The following RBMS3 variants were observed in gnomAD, a reference collection of about 807,000 sequenced individuals.
RBMS3 encodes RNA-binding motif, single-stranded-interacting protein 3.
A neutral mutation model predicts 66.8 loss-of-function variants in RBMS3; 27 were observed. The ratio of observed to expected loss-of-function variants is 0.40; its 90% CI spans 0.30 to 0.56. The LOEUF (loss-of-function observed/expected upper bound fraction) is 0.56. Among genes scored for constraint, RBMS3 ranks in the 20% least tolerant of loss-of-function variants. RBMS3 has a pLI of 0.40. For synonymous variants in RBMS3, 188 were observed against 183.0 expected (o/e 1.03, Z -0.22); for missense variants, 513 against 549.5 (o/e 0.93, Z 0.66).
intron 1 of RBMS3, among the ~76,000 whole-genome samples, chr3:29,389,997 G>A (rs929607807): frequency 6.6e-6 from 1 of 152,128 alleles, no homozygotes; most frequent in African/African-American, 2.4e-5. Context: ...ATATTTGTTT[G>A]TGATGGCTTT....
chr3:29,352,379 T>A (rs2036969321), intron 1 of RBMS3, among the ~76,000 whole-genome samples: 1 of 152,090 alleles, frequency 6.6e-6, no homozygotes, highest in African/African-American at 2.4e-5. Context: ...AAATATTTTA[T>A]GGTATGTGGT....
At chr3:29,551,181 C>G (rs1474944020) in intron 3 of RBMS3, among the ~76,000 whole-genome samples, 2 of 152,100 alleles carry the variant, frequency 1.3e-5, no homozygotes, top group African/African-American at 4.8e-5. Context: ...AAAGGCAGAA[C>G]ATAGAAATGA....
At chr3:29,590,213 T>C (rs1182953916) in intron 4 of RBMS3, among the ~76,000 whole-genome samples, 2 of 152,204 alleles carry the variant, frequency 1.3e-5, no homozygotes, top group East Asian at 3.9e-4. Flanking sequence ...ATCCTGGCTC[T>C]GGTACCACCT....
rs1344712067 is a variant in RBMS3 at position 29,936,100 on chromosome 3, A to G, written c.954A>G (p.Thr318=). 6.2e-7 allele frequency: 1 copy of G among 1,612,964 alleles called. No individual in the cohort carries two copies. The highest frequency in any genetic ancestry group is 1.3e-5 in the African/African-American group (1 of 74,892). The change falls in exon 11 of 15, where the codon ACA becomes ACG. Residue 318 remains threonine (T), a synonymous_variant. Coordinates refer to ENST00000383767, the MANE Select transcript of RBMS3 (RefSeq NM_001003793.3). ...YVMQPTGAVI[T]PTMDHPMSMQ... is the part of the protein sequence containing the mutation. ...TATGCTTGTAGGGTGCTGTGATTAC[A>G]CCAACCATGGACCATCCCATGTCAA...
intron 4 of RBMS3, among the ~76,000 whole-genome samples, chr3:29,671,503 C>T (rs548564918): frequency 3.3e-5 from 5 of 152,248 alleles, no homozygotes; most frequent in South Asian, 2.1e-4. Flanking sequence ...GCAGGATGTT[C>T]GAACCCATCG....
intron 1 of RBMS3, among the ~76,000 whole-genome samples, chr3:29,393,828 C>T (rs958016262): frequency 1.3e-4 from 19 of 151,834 alleles, no homozygotes; most frequent in Admixed American, 9.2e-4. Context: ...TTAGGGATTT[C>T]GAAAGGGGAG....
At chr3:29,439,573 T>C (rs973548006) in intron 2 of RBMS3, among the ~76,000 whole-genome samples, 2 of 147,370 alleles carry the variant, frequency 1.4e-5, no homozygotes, top group Non-Finnish European at 3.0e-5. Context: ...CCCAAATGAG[T>C]TGATTTTTAG....
chr3:29,936,527 C>T (rs1251647304), intron 11 of RBMS3, among the ~76,000 whole-genome samples: 1 of 152,072 alleles, frequency 6.6e-6, no homozygotes, highest in African/African-American at 2.4e-5. Context: ...TATACTCAAT[C>T]CTGGTTTTCT....
chr3:29,328,789 G>A (rs73054459), intron 1 of RBMS3, among the ~76,000 whole-genome samples: 83 of 152,160 alleles, frequency 5.5e-4, no homozygotes, highest in Admixed American at 1.2e-3. Flanking sequence ...ATTTGTTTAC[G>A]TGTTTATTTT....
chr3:29,701,855 C>T (rs751961239), intron 4 of RBMS3, among the ~76,000 whole-genome samples: 3 of 150,676 alleles, frequency 2.0e-5, no homozygotes, highest in Admixed American at 1.3e-4. Flanking sequence ...GGAGTCTCAC[C>T]GAGGAGCCCC....
At chr3:29,456,650 A>G (rs2042201110) in intron 2 of RBMS3, among the ~76,000 whole-genome samples, 1 of 152,196 alleles carries the variant, frequency 6.6e-6, no homozygotes, top group Non-Finnish European at 1.5e-5. Flanking sequence ...ATTTTTTATA[A>G]TAGGAAAAAA....
At chr3:29,750,563 A>G (rs1039479718) in intron 5 of RBMS3, among the ~76,000 whole-genome samples, 13 of 152,122 alleles carry the variant, frequency 8.5e-5, no homozygotes, top group African/African-American at 2.2e-4. Flanking sequence ...TCTAACTTTT[A>G]TTTTAAATTC....
chr3:29,519,533 A>G (rs187473949), intron 3 of RBMS3, among the ~76,000 whole-genome samples: 93 of 152,336 alleles, frequency 6.1e-4, no homozygotes, highest in Non-Finnish European at 9.7e-4. Flanking sequence ...GTCCTATGCC[A>G]TTCTCCTCAG....
intron 4 of RBMS3, among the ~76,000 whole-genome samples, chr3:29,701,695 G>A (rs571634031): frequency 9.8e-4 from 149 of 152,298 alleles, no homozygotes; most frequent in African/African-American, 3.3e-3. Context: ...CACCGGCCTT[G>A]GGCAGTGAGA....
intron 10 of RBMS3, among the ~76,000 whole-genome samples, chr3:29,909,274 A>G (rs2060460886): frequency 6.6e-6 from 1 of 152,142 alleles, no homozygotes; most frequent in African/African-American, 2.4e-5. Context: ...ATTGTTCAGA[A>G]TTTAAGTTTA....
chr3:29,863,848 T>A (rs1160515314), intron 6 of RBMS3, among the ~76,000 whole-genome samples: 3 of 152,200 alleles, frequency 2.0e-5, no homozygotes, highest in Admixed American at 2.0e-4. Context: ...AATATTTGTT[T>A]AAGGGATACC....
chr3:29,950,553 A>G (rs772684434), intron 12 of RBMS3, among the ~76,000 whole-genome samples: 1 of 151,852 alleles, frequency 6.6e-6, no homozygotes, highest in Non-Finnish European at 1.5e-5. Context: ...ACTATGTATG[A>G]TTCAGCCCTT....
At chr3:29,779,946 T>C (rs2056570238) in intron 6 of RBMS3, among the ~76,000 whole-genome samples, 3 of 150,822 alleles carry the variant, frequency 2.0e-5, no homozygotes, top group South Asian at 4.2e-4. Flanking sequence ...GTTAAGCACA[T>C]AACGGAATAA....
At chr3:29,929,384 G>A (rs974761238) in intron 10 of RBMS3, among the ~76,000 whole-genome samples, 24 of 152,076 alleles carry the variant, frequency 1.6e-4, no homozygotes, top group African/African-American at 5.8e-4. Flanking sequence ...AATTATCTAT[G>A]TACCTGCTTT....
Sources: allele counts gnomAD v4.1 joint callset (sites outside exome capture counted in the v4.1 genomes callset), GRCh38; gene constraint gnomAD v4.1.1; transcripts MANE v1.5; gene names NCBI Gene and HGNC (gene_info 2026-07-23, HGNC 2026-07-21).